The following GXYLT2 variants were observed in gnomAD, a reference collection of about 807,000 sequenced individuals.
The protein encoded by GXYLT2 is glucoside xylosyltransferase 2.
A neutral mutation model predicts 45.8 loss-of-function variants in GXYLT2; 53 were observed. The ratio of observed to expected loss-of-function variants is 1.16; its 90% confidence interval spans 0.93 to 1.46. GXYLT2 has a LOEUF of 1.46. Among genes scored for constraint, GXYLT2 ranks in the 40% most tolerant of loss-of-function variants. GXYLT2 has a pLI of 0.00. For missense variants in GXYLT2, 551 were observed against 544.4 expected, an observed-to-expected ratio of 1.01 and a Z score of -0.12; for synonymous variants, 219 against 214.2, an observed-to-expected ratio of 1.02 and a Z score of -0.19.
At chr3:72,947,984 T>G (rs1037299734) in intron 3 of GXYLT2, among the ~76,000 whole-genome samples, 5 of 152,070 alleles carry the variant, frequency 3.3e-5, no homozygotes, top group Non-Finnish European at 7.4e-5. Context: ...TAACAAAGCT[T>G]CCAGTTCCAC....
chr3:72,967,711 A>C lies in GXYLT2; in HGVS notation c.1141A>C (p.Ile381Leu), dbSNP rs758674747. Reference sequence around the variant, plus strand: ...AACGTTCAGAGCACTCTATGAAGCAATACGGGATGTAAGTGTGCCCTTGCT... The same window carrying C: ...AACGTTCAGAGCACTCTATGAAGCACTACGGGATGTAAGTGTGCCCTTGCT... ...QPTFRALYEAIRDFPFQDNLF... is the reference protein window; with the variant it reads ...QPTFRALYEALRDFPFQDNLF... Residue 381 changes from isoleucine to leucine, a missense_variant, in exon 6 of 7, where the codon ATA becomes CTA. Physicochemically the swap from Ile to Leu is conservative, Grantham distance 5. Transcript: ENST00000389617. 6.2e-7 allele frequency: 1 copy of C among 1,613,654 alleles called. No individual in the cohort carries two copies. Among genetic ancestry groups the C allele is most frequent in the South Asian group, 1.1e-5 (1 of 91,036 alleles).
At chr3:72,922,419 C>T in intron 3 of GXYLT2, 84 bp downstream of exon 3, 1 of 1,371,584 alleles carries the variant, frequency 7.3e-7, no homozygotes. Context: ...AAACATTTAA[C>T]TTAACAGCTG....
At chr3:72,919,402 C>T (rs1709791946) in intron 2 of GXYLT2, among the ~76,000 whole-genome samples, 1 of 152,178 alleles carries the variant, frequency 6.6e-6, no homozygotes, top group Non-Finnish European at 1.5e-5. Context: ...AGGCAAGGTA[C>T]TATATGATTC....
intron 3 of GXYLT2, among the ~76,000 whole-genome samples, chr3:72,932,764 A>C (rs1223806271): frequency 6.6e-6 from 1 of 152,260 alleles, no homozygotes; most frequent in African/African-American, 2.4e-5. Context: ...AATATGAGAT[A>C]ATATACAAAG....
At chr3:72,899,249 G>A (rs1709354988) in intron 1 of GXYLT2, among the ~76,000 whole-genome samples, 1 of 152,140 alleles carries the variant, frequency 6.6e-6, no homozygotes, top group Non-Finnish European at 1.5e-5. Flanking sequence ...CACCTCCCAT[G>A]CGTTAGACCT....
intron 3 of GXYLT2, among the ~76,000 whole-genome samples, chr3:72,924,753 A>G: frequency 6.6e-6 from 1 of 152,120 alleles, no homozygotes; most frequent in East Asian, 1.9e-4. Context: ...TGACATGAAA[A>G]GGATTTTACC....
rs10662974 is a variant in GXYLT2 at position 72,966,458 on chromosome 3, C to CTTTTTTT, written c.977-1074_977-1068dup. On this transcript the variant is annotated intron_variant, in intron 5 of 6. Coordinates refer to ENST00000389617, the MANE Select transcript of GXYLT2 (RefSeq NM_001080393.2). ...ATTTTTGACATTTTTTTGTGTGTAT[C>CTTTTTTT]TTTTTTTTTTTTTTTTTTTTTGATA... 3.7e-3 allele frequency among the ~76,000 whole-genome samples: 379 copies of CTTTTTTT among 101,600 alleles called. 25 individuals are homozygous for CTTTTTTT. The highest frequency in any genetic ancestry group is 0.014 in the Middle Eastern group (2 of 138). The allele number at this position is 101,600 out of a possible 152,430, so 66.7% of individuals were successfully genotyped here. A position where few individuals can be genotyped will look rare whatever the true frequency, so the allele number is the denominator to read the frequency against.
intron 5 of GXYLT2, among the ~76,000 whole-genome samples, chr3:72,966,328 G>T (rs13081666): frequency 1.0e-4 from 15 of 147,692 alleles, no homozygotes; most frequent in South Asian, 2.1e-4. Context: ...TTTTTTGTTT[G>T]TTCTTAATCT....
chr3:72,921,947 G>A (rs1709839800), intron 2 of GXYLT2, among the ~76,000 whole-genome samples: 2 of 152,070 alleles, frequency 1.3e-5, no homozygotes, highest in Admixed American at 1.3e-4. Context: ...TAACCTTTTG[G>A]AAGTTTGTTC....
At chr3:72,915,081 A>G (rs1475787804) in intron 2 of GXYLT2, among the ~76,000 whole-genome samples, 1 of 151,806 alleles carries the variant, frequency 6.6e-6, no homozygotes, top group African/African-American at 2.4e-5. Context: ...TGAACCCGGG[A>G]GTGGAGGTTG....
chr3:72,966,620 T>A (rs1710871743), intron 5 of GXYLT2, among the ~76,000 whole-genome samples: 1 of 131,038 alleles, frequency 7.6e-6, no homozygotes, highest in African/African-American at 2.6e-5. Context: ...TTTTTGTAAT[T>A]TTTTTGGTTT....
chr3:72,916,199 C>T (rs1248444685), intron 2 of GXYLT2, among the ~76,000 whole-genome samples: 1 of 150,340 alleles, frequency 6.7e-6, no homozygotes, highest in Non-Finnish European at 1.5e-5. Context: ...CTTGCATCTG[C>T]GTTCACTGAT....
At chr3:72,933,634 C>G (rs989381978) in intron 3 of GXYLT2, among the ~76,000 whole-genome samples, 1 of 152,138 alleles carries the variant, frequency 6.6e-6, no homozygotes. Flanking sequence ...TGGGGCTGGA[C>G]ACAGTGGCTC....
In GXYLT2 at chr3:72,940,432, G is replaced by A. The variant is rs570968972; in HGVS notation, c.601-14666G>A. ...GTTTAAAGAGTGATGGATTGATTGA[G>A]TTGAGATCTGACTTCCTGGCCATAT... On this transcript the variant is annotated intron_variant, in intron 3 of 6. Transcript: ENST00000389617. 3.3e-5 allele frequency among the ~76,000 whole-genome samples: 5 copies of A among 152,294 alleles called. No homozygotes were observed. The East Asian group carries it at 9.6e-4, about 29-fold the overall frequency.
In GXYLT2 at chr3:72,915,934, C is replaced by T. The variant is rs76071119; in HGVS notation, c.469-6270C>T. Among the ~76,000 whole-genome samples, 971 of 152,038 alleles carry T rather than the reference C, an allele frequency of 6.4e-3. 13 individuals carry two copies. The highest frequency in any genetic ancestry group is 0.019 in the African/African-American group (793 of 41,472). The stretch of plus-strand genomic sequence containing the variant: ...TCCATGGAGGACTTGGGAAAGGTAA[C>T]GGCTGCACTTCACTGTCCCTGTGTG... On this transcript the variant is annotated intron_variant, in intron 2 of 6. Transcript: ENST00000389617.
At chr3:72,901,595 C>G (rs998945195) in intron 1 of GXYLT2, among the ~76,000 whole-genome samples, 1 of 108,890 alleles carries the variant, frequency 9.2e-6, no homozygotes, top group Non-Finnish European at 1.7e-5. Flanking sequence ...GAGTCTCACT[C>G]TGTCGCCCAG....
intron 3 of GXYLT2, among the ~76,000 whole-genome samples, chr3:72,938,303 T>A (rs775164880): frequency 8.5e-5 from 13 of 152,174 alleles, no homozygotes; most frequent in Admixed American, 2.0e-4. Flanking sequence ...TAAAAAGGGC[T>A]TTAACCACTG....
At chr3:72,894,406 A>T (rs758555538) in intron 1 of GXYLT2, among the ~76,000 whole-genome samples, 2 of 152,228 alleles carry the variant, frequency 1.3e-5, no homozygotes, top group Non-Finnish European at 2.9e-5. Context: ...CACACCCTAG[A>T]GCAGCCGTTA....
intron 1 of GXYLT2, among the ~76,000 whole-genome samples, chr3:72,906,104 G>C (rs1245087324): frequency 1.3e-5 from 2 of 152,146 alleles, no homozygotes; most frequent in Non-Finnish European, 1.5e-5. Context: ...TTTAGAAATT[G>C]ACTGTCATTT....
Sources: allele counts gnomAD v4.1 joint callset (sites outside exome capture counted in the v4.1 genomes callset), GRCh38; gene constraint gnomAD v4.1.1; transcripts MANE v1.5; gene names NCBI Gene and HGNC (gene_info 2026-07-23, HGNC 2026-07-21).